Variants in SLC23A2 observed in about 807,000 individuals in gnomAD.
The protein encoded by SLC23A2 is solute carrier family 23 member 2, also known as Na(+)/L-ascorbic acid transporter 2.
In SLC23A2, 36 loss-of-function variants were observed where a neutral mutation model predicts 73.3. The ratio of observed to expected loss-of-function variants is 0.49; its 90% CI spans 0.38 to 0.65. The LOEUF (loss-of-function observed/expected upper bound fraction) is 0.65. Ranked by LOEUF, SLC23A2 falls within the 30% of genes least tolerant of loss-of-function variation. The pLI is 0.00. For synonymous variants in SLC23A2, 343 were observed against 327.3 expected (o/e 1.05, Z -0.52); for missense variants, 507 against 841.6 (o/e 0.60, Z 4.92).
At chr20:4,919,534 G>A (rs1294318679) in intron 3 of SLC23A2, among the ~76,000 whole-genome samples, 1 of 152,186 alleles carries the variant, frequency 6.6e-6, no homozygotes, top group Non-Finnish European at 1.5e-5. Flanking sequence ...GTCTGCCAAG[G>A]TCCACACTGA....
intron 1 of SLC23A2, among the ~76,000 whole-genome samples, chr20:5,008,047 T>C (rs2088209761): frequency 6.6e-6 from 1 of 151,984 alleles, no homozygotes. Context: ...GTAGCTGGGA[T>C]TACAGGCATG....
At position 4,869,151 on chromosome 20, in the gene SLC23A2, T is replaced by C. The variant is rs1339732766; in HGVS notation, c.1250+755A>G. On this transcript the variant is annotated intron_variant, in intron 12 of 16. Transcript: ENST00000338244. ...TTTGCAATGTAGAAATAGCACTGTA[T>C]AGCCAAGTATGGTGGTGCACACCTG... The C allele has an allele frequency of 3.3e-5, 5 of 152,050 alleles. No homozygotes were observed. The East Asian group carries it at 7.7e-4, about 23-fold the overall frequency. 9.4% of individuals were successfully genotyped at this position (152,050 alleles called of 1,614,324 possible).
Position 4,868,594 on chromosome 20 carries a change from G to C in SLC23A2, c.1251-719C>G, listed in dbSNP as rs1930300891. On this transcript the variant is annotated intron_variant, in intron 12 of 16. Transcript: ENST00000338244. The surrounding 1 kb of genome is among the most constrained non-coding windows in gnomAD (Gnocchi z 4.4). ...TACTCTTAAAATCCAGTTTCATCAG[G>C]AAGGAAATGTTTTATAATTTCATAA... Among the ~76,000 whole-genome samples the C allele has an allele frequency of 6.6e-6, 1 of 152,162 alleles. No homozygotes were observed. Among genetic ancestry groups the C allele is most frequent in the Non-Finnish European group, 1.5e-5 (1 of 68,034 alleles).
At chr20:4,940,798 A>G (rs2087028334) in intron 2 of SLC23A2, among the ~76,000 whole-genome samples, 1 of 152,242 alleles carries the variant, frequency 6.6e-6, no homozygotes, top group Non-Finnish European at 1.5e-5. Context: ...GCAGAAGCAG[A>G]GTAGGATGGT....
At chr20:5,002,921 C>G (rs2088146830), upstream of SLC23A2, among the ~76,000 whole-genome samples, 2 of 152,102 alleles carry the variant, frequency 1.3e-5, no homozygotes, top group Non-Finnish European at 2.9e-5. Flanking sequence ...CACGGGCGCC[C>G]ATCCTTAACC....
At chr20:4,886,962 A>G (rs1365106836) in intron 6 of SLC23A2, among the ~76,000 whole-genome samples, 1 of 152,166 alleles carries the variant, frequency 6.6e-6, no homozygotes, top group Non-Finnish European at 1.5e-5. Flanking sequence ...GCTCTAGCTA[A>G]AGGACAAGCA....
chr20:4,981,280 G>A (rs2087722038), intron 1 of SLC23A2, among the ~76,000 whole-genome samples: 1 of 152,190 alleles, frequency 6.6e-6, no homozygotes, highest in South Asian at 2.1e-4. Flanking sequence ...AAAAGAAAGT[G>A]CACGAACAGA....
intron 6 of SLC23A2, among the ~76,000 whole-genome samples, chr20:4,892,678 C>T (rs146263641): frequency 6.6e-6 from 1 of 152,248 alleles, no homozygotes; most frequent in African/African-American, 2.4e-5. Context: ...ACCATGCCTC[C>T]AGCCCCATCT....
intron 9 of SLC23A2, among the ~76,000 whole-genome samples, chr20:4,876,175 G>A (rs1444497653): frequency 6.6e-6 from 1 of 152,198 alleles, no homozygotes; most frequent in Non-Finnish European, 1.5e-5. Context: ...TTTAAACTTA[G>A]ACCTACATGC....
chr20:4,949,236 C>A (rs1036879568), intron 2 of SLC23A2, among the ~76,000 whole-genome samples: 1 of 147,330 alleles, frequency 6.8e-6, no homozygotes, highest in African/African-American at 2.5e-5. Flanking sequence ...TGCAGTGAGC[C>A]GAGATCGCAC....
chr20:4,937,253 T>G (rs1345403166), intron 2 of SLC23A2, among the ~76,000 whole-genome samples: 2 of 152,118 alleles, frequency 1.3e-5, no homozygotes, highest in African/African-American at 4.8e-5. Flanking sequence ...GGAGTTTAAC[T>G]TCTGTATTAA....
At chr20:4,931,068 GAAAAAAAAA>G (rs758041566) in intron 3 of SLC23A2, among the ~76,000 whole-genome samples, 10,006 of 75,260 alleles carry the variant, frequency 0.13, 419 homozygotes, top group Middle Eastern at 0.32. Flanking sequence ...ATTTTTTTAA[GAAAAAAAAA>G]AAAAAAAAAA....
chr20:5,004,766 G>A (rs919092809), upstream of SLC23A2, among the ~76,000 whole-genome samples: 10 of 152,154 alleles, frequency 6.6e-5, no homozygotes, highest in Middle Eastern at 3.2e-3. Context: ...TTGGGAGGCC[G>A]AGGCAGGTGG....
chr20:5,001,724 G>A (rs1164724508), upstream of SLC23A2, among the ~76,000 whole-genome samples: 1 of 151,610 alleles, frequency 6.6e-6, no homozygotes, highest in Non-Finnish European at 1.5e-5. Context: ...CCCCTGCGCA[G>A]AAAGATCGCC....
intron 9 of SLC23A2, among the ~76,000 whole-genome samples, chr20:4,877,158 T>A (rs553571524): frequency 6.6e-6 from 1 of 151,920 alleles, no homozygotes; most frequent in Non-Finnish European, 1.5e-5. Context: ...ACTTAAAGTA[T>A]AATAAAATAT....
At chr20:4,911,801 G>A (rs527571914) in intron 4 of SLC23A2, among the ~76,000 whole-genome samples, 4 of 151,722 alleles carry the variant, frequency 2.6e-5, no homozygotes, top group South Asian at 4.2e-4. Flanking sequence ...AAAAGAAATC[G>A]GGATATCTGG....
At chr20:4,986,616 G>A (rs923841403) in intron 1 of SLC23A2, among the ~76,000 whole-genome samples, 5 of 146,544 alleles carry the variant, frequency 3.4e-5, no homozygotes, top group Non-Finnish European at 6.0e-5. Context: ...GCCTGGCCTT[G>A]AAACTTTTGT....
chr20:4,927,742 A>C (rs547065303), intron 3 of SLC23A2, among the ~76,000 whole-genome samples: 1 of 152,220 alleles, frequency 6.6e-6, no homozygotes, highest in Non-Finnish European at 1.5e-5. Flanking sequence ...TTTGGCCCTC[A>C]AAACCTCCTA....
At position 4,943,674 on chromosome 20, in the gene SLC23A2, CAAAA is replaced by C. The variant is rs552051541; in HGVS notation, c.-154-10962_-154-10959del. 8.9e-5 allele frequency among the ~76,000 whole-genome samples: 7 copies of C among 78,908 alleles called. No individual in the cohort carries two copies. In the South Asian group the frequency reaches 1.7e-3, roughly 19 times the overall value. The allele number at this position is 78,908 out of a possible 152,430, so 51.8% of individuals were successfully genotyped here. A position where few individuals can be genotyped will look rare whatever the true frequency, so the allele number is the denominator to read the frequency against. ...CAGGCAACAGAGTCAGACTCTGTCT[CAAAA>C]AAAAAAAAAAAAAGACAGATTTCTT... is the stretch of plus-strand genomic sequence containing the variant. On this transcript the variant is annotated intron_variant, in intron 2 of 16. Transcript: ENST00000338244.
Sources: gnomAD v4.1 joint callset for allele counts (sites outside exome capture counted in the v4.1 genomes callset) on GRCh38, gnomAD v4.1.1 for gene constraint, Gnocchi (gnomAD v3.1) non-coding constraint, MANE v1.5 for transcripts, NCBI Gene and HGNC (gene_info 2026-07-23, HGNC 2026-07-21) for gene names.